CC2D1B: variants seen among roughly 807,000 people sequenced by gnomAD.
The protein encoded by CC2D1B is coiled-coil and C2 domain-containing protein 1B.
A neutral mutation model predicts 110.8 loss-of-function variants in CC2D1B; 92 were observed. The ratio of observed to expected loss-of-function variants is 0.83; its 90% confidence interval spans 0.70 to 0.99. CC2D1B has a LOEUF of 0.99. Ranked by LOEUF, CC2D1B falls within the 50% of genes least tolerant of loss-of-function variation. The pLI, the probability that CC2D1B is intolerant of heterozygous loss-of-function variation, is 0.00. For synonymous variants in CC2D1B, 406 were observed against 429.2 expected (o/e 0.95, Z 0.67); for missense variants, 1,136 against 1,089.0 (o/e 1.04, Z -0.61).
At chr1:52,355,084 C>T (rs1392358188) in intron 21 of CC2D1B, 145 bp from the exon 22 acceptor site, 28 of 684,176 alleles carry the variant, frequency 4.1e-5, no homozygotes, top group Middle Eastern at 3.7e-4. Context: ...TAGAGCATCG[C>T]GGTCCTGGCC....
At chr1:52,356,874 G>T in intron 16 of CC2D1B, 127 bp downstream of exon 16, 2 of 1,154,820 alleles carry the variant, frequency 1.7e-6, no homozygotes, top group Non-Finnish European at 2.4e-6. Context: ...CCTTGCCCAA[G>T]TCACACAGTG....
intron 22 of CC2D1B, 41 bp from the exon 23 acceptor site, chr1:52,354,739 G>T: frequency 1.2e-6 from 2 of 1,608,650 alleles, no homozygotes; most frequent in East Asian, 2.2e-5. Flanking sequence ...ACTGGGCAGG[G>T]AAGGCAGGAA....
intron 2 of CC2D1B, among the ~76,000 whole-genome samples, chr1:52,363,557 C>T (rs1646828286): frequency 6.6e-6 from 1 of 152,192 alleles, no homozygotes; most frequent in African/African-American, 2.4e-5. Context: ...GAACTGTTTT[C>T]ATGTTGTGAA....
At position 52,355,859 on chromosome 1, in the gene CC2D1B, G is replaced by A; in HGVS notation, c.2055-15C>T. Reference sequence around the variant, plus strand: ...CTGAGAAGATCCTAGAGCCAAGCGGGAAGGAGAAAATGCTCAAAAGTGAAG... The same window carrying A: ...CTGAGAAGATCCTAGAGCCAAGCGGAAAGGAGAAAATGCTCAAAAGTGAAG... On this transcript the variant is annotated splice_polypyrimidine_tract_variant and intron_variant, in intron 18 of 24. Coordinates refer to ENST00000284376, the MANE Select transcript of CC2D1B (RefSeq NM_001330585.2). The A allele has an allele frequency of 6.2e-7, 1 of 1,613,770 alleles. No homozygotes were observed. Among genetic ancestry groups the A allele is most frequent in the Non-Finnish European group, 8.5e-7 (1 of 1,179,670 alleles).
chr1:52,361,234 C>G, intron 4 of CC2D1B, 102 bp from the exon 5 acceptor site: 1 of 1,422,208 alleles, frequency 7.0e-7, no homozygotes, highest in Non-Finnish European at 9.7e-7. Flanking sequence ...TATTCCCTAA[C>G]GTCAGTCACT....
In CC2D1B at chr1:52,353,172, G is replaced by GTCATC. The variant is rs1557537611; in HGVS notation, c.*48_*52dup. ...TTCTGAAGCCAGCAAAGCTGGGAAA[G>GTCATC]TCATCTCCTGCACAGTCGCGGCCTG... is the stretch of plus-strand genomic sequence containing the variant. On this transcript the variant is annotated 3_prime_UTR_variant, in exon 25 of 25. Coordinates refer to ENST00000284376, the MANE Select transcript of CC2D1B (RefSeq NM_001330585.2). 3.0e-6 allele frequency: 4 copies of GTCATC among 1,319,164 alleles called. No individual in the cohort carries two copies. Among genetic ancestry groups the GTCATC allele is most frequent in the East Asian group, 5.2e-5 (1 of 19,058 alleles). 81.7% of individuals were successfully genotyped at this position (1,319,164 alleles called of 1,614,324 possible).
intron 23 of CC2D1B, 151 bp downstream of exon 23, chr1:52,354,457 G>GTGAAA: frequency 2.6e-6 from 2 of 768,936 alleles, no homozygotes; most frequent in Non-Finnish European, 4.6e-6. Context: ...CTCTCCATCT[G>GTGAAA]TGAAATGAGG....
chr1:52,358,339 CGTCTTT>C lies in CC2D1B; in HGVS notation c.1447_1452del (p.Lys483_Asp484del), dbSNP rs769049428. On this transcript the variant is annotated inframe_deletion, in exon 13 of 25. Coordinates refer to ENST00000284376, the MANE Select transcript of CC2D1B (RefSeq NM_001330585.2). The stretch of plus-strand genomic sequence containing the variant: ...TGAGCCCTCAACCAAACCTCGTCCT[CGTCTTT>C]ATCAGCCGGGGCTGAATCCTCTGCA... 1.2e-6 allele frequency: 2 copies of C among 1,613,872 alleles called. No homozygotes were observed. The highest frequency in any genetic ancestry group is 3.3e-5 in the Admixed American group (2 of 59,986).
At chr1:52,355,729 C>G in intron 19 of CC2D1B, 42 bp downstream of exon 19, 2 of 1,613,828 alleles carry the variant, frequency 1.2e-6, no homozygotes, top group South Asian at 2.2e-5. Context: ...CTTGGAGTGT[C>G]CGGGCAAGAG....
At chr1:52,358,158 G>T in intron 13 of CC2D1B, 173 bp downstream of exon 13, 1 of 995,108 alleles carries the variant, frequency 1.0e-6, no homozygotes, top group Non-Finnish European at 1.4e-6. Flanking sequence ...ACCTTGGTTT[G>T]AATCCTAGTT....
chr1:52,359,789 TCGG>T lies in CC2D1B; in HGVS notation c.855_857del (p.Arg286del). ...GGGCAGCCACTTTGTACTCTCTCTG[TCGG>T]GATGACAGCAGGGCCCGCGGGTCTG... is the stretch of plus-strand genomic sequence containing the variant. On this transcript the variant is annotated inframe_deletion, in exon 8 of 25. Transcript: ENST00000284376. 1.2e-6 allele frequency: 2 copies of T among 1,611,478 alleles called. No individual in the cohort carries two copies. Among genetic ancestry groups the T allele is most frequent in the Non-Finnish European group, 1.7e-6 (2 of 1,178,888 alleles).
At position 52,354,701 on chromosome 1, in the gene CC2D1B, G is replaced by T. The variant is rs1426548944; in HGVS notation, c.2340-3C>A. ...GCTTGTCGCTTCTGAAGAAGGACCT[G>T]GGGAGTCAAGAGGCAGCAGAGGATT... is the stretch of plus-strand genomic sequence containing the variant. On this transcript the variant is annotated splice_region_variant and splice_polypyrimidine_tract_variant and intron_variant, in intron 22 of 24. Coordinates refer to ENST00000284376, the MANE Select transcript of CC2D1B (RefSeq NM_001330585.2). 1 of 1,614,104 alleles carries T rather than the reference G, an allele frequency of 6.2e-7. No homozygotes were observed. The highest frequency in any genetic ancestry group is 2.2e-5 in the East Asian group (1 of 44,880).
intron 16 of CC2D1B, 118 bp from the exon 17 acceptor site, chr1:52,356,560 C>G: frequency 1.9e-6 from 2 of 1,038,026 alleles, no homozygotes; most frequent in Non-Finnish European, 2.9e-6. Flanking sequence ...TCTCTCCTCC[C>G]ACAACACAGC....
rs1646754565 is a variant in CC2D1B, at chr1:52,360,437, T to C, written c.590A>G (p.Glu197Gly). 1 of 1,613,712 alleles carries C rather than the reference T, an allele frequency of 6.2e-7. No individual in the cohort carries two copies. Among genetic ancestry groups the C allele is most frequent in the Non-Finnish European group, 8.5e-7 (1 of 1,179,960 alleles). The change falls in exon 6 of 25, where the codon GAG (glutamate) becomes GGG (glycine). Residue 197 changes from glutamate (E) to glycine (G), a missense_variant. By Grantham distance (98) the Glu-to-Gly change is moderately conservative (BLOSUM62 -2). Transcript: ENST00000284376. The stretch of plus-strand genomic sequence containing the variant: ...AGCCCGACTCACCTTCAGGCCGCGC[T>C]CGCAGCGCCTGGCTTTGGCTGCTTC... The part of the protein sequence containing the change: ...AGEAAKARRC[E>G]RGLKTLESQL...
At chr1:52,358,853 G>A (rs1409427459) in intron 11 of CC2D1B, 95 bp from the exon 12 acceptor site, 1 of 1,449,864 alleles carries the variant, frequency 6.9e-7, no homozygotes, top group Non-Finnish European at 9.4e-7. Flanking sequence ...AGGGAGACTG[G>A]TGGGAAGACA....
chr1:52,360,863 A>C, intron 5 of CC2D1B, 111 bp downstream of exon 5: 1 of 1,323,678 alleles, frequency 7.6e-7, no homozygotes, highest in Non-Finnish European at 1.1e-6. Flanking sequence ...CTGCTGGGGG[A>C]GGGTCCTGGA....
chr1:52,355,062 T>G (rs1557541270), intron 21 of CC2D1B, 123 bp from the exon 22 acceptor site: 5 of 782,304 alleles, frequency 6.4e-6, no homozygotes, highest in Non-Finnish European at 1.1e-5. Context: ...GGGTACTGCC[T>G]CCAAAGGGTG....
In CC2D1B at chr1:52,361,180, A is replaced by G; in HGVS notation, c.319-48T>C. The G allele has an allele frequency of 5.0e-6, 8 of 1,607,400 alleles. No homozygotes were observed. The South Asian group carries it at 8.8e-5, about 18-fold the overall frequency. The stretch of plus-strand genomic sequence containing the variant: ...AGGAGCTTGGGGGCCTCAAGACCAT[A>G]CCCACAACAGGACCTGAGAGTAAAG... On this transcript the variant is annotated intron_variant, in intron 4 of 24. Transcript: ENST00000284376.
Position 52,357,630 on chromosome 1 carries a change from G to A in CC2D1B, c.1648C>T (p.Arg550Cys), listed in dbSNP as rs138738825. Residue 550 changes from arginine to cysteine, a missense_variant, in exon 15 of 25, where the codon CGC becomes TGC. Coordinates refer to ENST00000284376, the MANE Select transcript of CC2D1B (RefSeq NM_001330585.2). The stretch of plus-strand genomic sequence containing the variant: ...TTGGCCTGCTCCAGGTCCTGGCTGC[G>A]CTTGGCCTGCAGGGCTGCCCGCTGA... ...QYQRAALQAK[R>C]SQDLEQAKAY... The A allele has an allele frequency of 2.6e-5, 42 of 1,593,460 alleles. 1 individual carries two copies. The South Asian group carries it at 3.1e-4, about 12-fold the overall frequency.
Sources: allele counts gnomAD v4.1 joint callset (sites outside exome capture counted in the v4.1 genomes callset), GRCh38; gene constraint gnomAD v4.1.1; transcripts MANE v1.5; gene names NCBI Gene and HGNC (gene_info 2026-07-23, HGNC 2026-07-21).